COX10: variants seen among roughly 807,000 people sequenced by gnomAD.
The protein encoded by COX10 is cytochrome c oxidase assembly factor heme A:farnesyltransferase COX10.
In COX10, 27 loss-of-function variants were observed where a neutral mutation model predicts 37.3. That is an observed-to-expected ratio of 0.72 (90% CI 0.53 to 1.00). The LOEUF (loss-of-function observed/expected upper bound fraction) is 1.00. Ranked by LOEUF, COX10 falls within the 50% of genes least tolerant of loss-of-function variation. The pLI, the probability that COX10 is intolerant of heterozygous loss-of-function variation, is 0.00. For synonymous variants in COX10, 222 were observed against 229.1 expected, an observed-to-expected ratio of 0.97 and a Z score of 0.28; for missense variants, 475 against 563.2, an observed-to-expected ratio of 0.84 and a Z score of 1.59.
chr17:14,117,592 CT>C (rs1418037479), intron 4 of COX10, among the ~76,000 whole-genome samples: 1 of 152,182 alleles, frequency 6.6e-6, no homozygotes, highest in African/African-American at 2.4e-5. Context: ...CTTCAGTAAC[CT>C]GCTGCTCAAA....
rs182604384 is a variant in COX10, at chr17:14,081,582, A to C, written c.499+4526A>C. Among the ~76,000 whole-genome samples, 134 of 152,260 alleles carry C rather than the reference A, an allele frequency of 8.8e-4. 1 individual carries two copies. The highest frequency in any genetic ancestry group is 3.1e-3 in the African/African-American group (130 of 41,560). On this transcript the variant is annotated intron_variant, in intron 3 of 6. Transcript: ENST00000261643. ...TCTAAAGTCAGATTCCCTGCATTCAAATCCTGGCTTTGGCTAGCTGACTGA... is the reference window on the plus strand; with the variant it reads ...TCTAAAGTCAGATTCCCTGCATTCACATCCTGGCTTTGGCTAGCTGACTGA...
intron 1 of COX10, among the ~76,000 whole-genome samples, chr17:14,073,024 G>A (rs775812971): frequency 6.6e-6 from 1 of 152,200 alleles, no homozygotes; most frequent in East Asian, 1.9e-4. Flanking sequence ...ATAAGGAAAC[G>A]ATAGAAACAG....
chr17:14,198,153 G>A (rs970981848), intron 6 of COX10, among the ~76,000 whole-genome samples: 1 of 152,154 alleles, frequency 6.6e-6, no homozygotes, highest in African/African-American at 2.4e-5. Flanking sequence ...ACAGGGAATG[G>A]CAATGACAGA....
intron 6 of COX10, among the ~76,000 whole-genome samples, chr17:14,206,381 G>C (rs965366903): frequency 6.6e-6 from 1 of 152,184 alleles, no homozygotes; most frequent in Non-Finnish European, 1.5e-5. Context: ...TGCACCCAGA[G>C]GTAGTACTGA....
chr17:14,158,552 A>G (rs144723270), intron 4 of COX10, among the ~76,000 whole-genome samples: 140 of 152,214 alleles, frequency 9.2e-4, no homozygotes, highest in African/African-American at 2.8e-3. Context: ...ACAAAGAGCT[A>G]TGATTCATAC....
chr17:14,135,381 A>G (rs747360220), intron 4 of COX10, among the ~76,000 whole-genome samples: 5 of 151,862 alleles, frequency 3.3e-5, no homozygotes, highest in Non-Finnish European at 7.4e-5. Flanking sequence ...CAAGCATATT[A>G]CTGATTTTAG....
intron 5 of COX10, among the ~76,000 whole-genome samples, chr17:14,169,858 A>C (rs559379659): frequency 1.3e-5 from 2 of 152,304 alleles, no homozygotes; most frequent in South Asian, 4.1e-4. Context: ...GGTAGGGTCT[A>C]GTGGGAGGTG....
At chr17:14,102,275 T>A (rs1212680521) in intron 4 of COX10, 33 bp downstream of exon 4, 2 of 1,612,940 alleles carry the variant, frequency 1.2e-6, no homozygotes, top group East Asian at 2.2e-5. Context: ...AATTATGTTA[T>A]TGTCACTTTT....
intron 4 of COX10, among the ~76,000 whole-genome samples, chr17:14,125,545 G>A (rs978118274): frequency 3.9e-5 from 6 of 152,156 alleles, no homozygotes; most frequent in Admixed American, 2.6e-4. Flanking sequence ...ATACATTTGA[G>A]AGAGGATTAC....
rs868542723 is a variant in COX10, at chr17:14,207,193, G to T, written c.1312G>T (p.Ala438Ser). The T allele has an allele frequency of 3.1e-6, 5 of 1,598,414 alleles. No homozygotes were observed. The highest frequency in any genetic ancestry group is 1.7e-4 in the Middle Eastern group (1 of 6,030). ...CAAGCGGCCGAGCGGAGGCGGGGAC[G>T]CAGGGCCCCCTCCCAGCTGAGAGCA... ...TCKRPSGGGDAGPPPS is the reference protein window; with the variant it reads ...TCKRPSGGGDSGPPPS Residue 438 changes from alanine (A) to serine (S), a missense_variant, in exon 7 of 7, where the codon GCA (alanine) becomes TCA (serine). By Grantham distance (99) the Ala-to-Ser change is moderately conservative. Coordinates refer to ENST00000261643, the MANE Select transcript of COX10 (RefSeq NM_001303.4).
intron 3 of COX10, among the ~76,000 whole-genome samples, chr17:14,101,235 C>T (rs1331296770): frequency 4.6e-5 from 7 of 152,202 alleles, no homozygotes; most frequent in Non-Finnish European, 1.0e-4. Flanking sequence ...GGATTCTTGA[C>T]ATAGGTCTTC....
intron 3 of COX10, among the ~76,000 whole-genome samples, chr17:14,092,436 C>T (rs762771986): frequency 6.6e-6 from 1 of 152,058 alleles, no homozygotes. Context: ...CTAATAAATT[C>T]TTACCTTTGT....
intron 4 of COX10, among the ~76,000 whole-genome samples, chr17:14,105,759 A>G (rs1466460246): frequency 6.6e-6 from 1 of 152,154 alleles, no homozygotes; most frequent in Admixed American, 6.5e-5. Context: ...ACAGCTGGAA[A>G]CAAACAAATA....
chr17:14,087,935 T>G (rs774734199), intron 3 of COX10, among the ~76,000 whole-genome samples: 1 of 152,050 alleles, frequency 6.6e-6, no homozygotes, highest in Non-Finnish European at 1.5e-5. Context: ...GTGAGAATTA[T>G]GTCAAGTTGA....
chr17:14,131,811 A>G (rs960818549), intron 4 of COX10, among the ~76,000 whole-genome samples: 1 of 152,008 alleles, frequency 6.6e-6, no homozygotes, highest in African/African-American at 2.4e-5. Context: ...GGGTACTGAC[A>G]TACACATGCC....
intron 4 of COX10, among the ~76,000 whole-genome samples, chr17:14,155,279 G>A (rs1166265846): frequency 1.3e-5 from 2 of 150,528 alleles, no homozygotes; most frequent in African/African-American, 4.9e-5. Flanking sequence ...GTGGAAATGT[G>A]TTGAATTCAA....
At chr17:14,193,953 G>A (rs1237174097) in intron 6 of COX10, among the ~76,000 whole-genome samples, 1 of 152,134 alleles carries the variant, frequency 6.6e-6, no homozygotes, top group Non-Finnish European at 1.5e-5. Context: ...TTCAGCACTT[G>A]GGTCCCTGCA....
chr17:14,100,827 C>A (rs1242919567), intron 3 of COX10, among the ~76,000 whole-genome samples: 1 of 79,112 alleles, frequency 1.3e-5, no homozygotes, highest in Non-Finnish European at 2.6e-5. Flanking sequence ...GGGGGTAAAG[C>A]TCTTATGGCA....
intron 5 of COX10, among the ~76,000 whole-genome samples, chr17:14,188,548 C>CTATCAG (rs1220098577): frequency 3.3e-5 from 5 of 151,486 alleles, no homozygotes; most frequent in Non-Finnish European, 2.9e-5. Context: ...TGATACCAGC[C>CTATCAG]ATTTAGTCTA....
Sources: allele counts gnomAD v4.1 joint callset (sites outside exome capture counted in the v4.1 genomes callset), GRCh38; gene constraint gnomAD v4.1.1; transcripts MANE v1.5; gene names NCBI Gene and HGNC (gene_info 2026-07-23, HGNC 2026-07-21).